Variants in TNRC6A observed in about 807,000 individuals in gnomAD.
The protein encoded by TNRC6A is trinucleotide repeat containing adaptor 6A.
Under a neutral mutation model 221.2 loss-of-function variants are expected in TNRC6A, and 44 were observed. The ratio of observed to expected loss-of-function variants is 0.20; its 90% CI spans 0.16 to 0.26. The LOEUF (loss-of-function observed/expected upper bound fraction) is 0.26, where lower values mean the gene tolerates loss of function less well. Among genes scored for constraint, TNRC6A ranks in the 10% least tolerant of loss-of-function variants. The probability of loss-of-function intolerance (pLI) is 1.00; values close to 1 mark genes in which losing one functional copy is unlikely to be tolerated. For missense variants in TNRC6A, 2,199 were observed against 2,404.4 expected (o/e 0.91, Z 1.79); for synonymous variants, 847 against 838.5 (o/e 1.01, Z -0.18).
intron 2 of TNRC6A, among the ~76,000 whole-genome samples, chr16:24,743,376 C>T (rs2056932949): frequency 6.6e-6 from 1 of 152,082 alleles, no homozygotes; most frequent in South Asian, 2.1e-4. Flanking sequence ...GGCTGGAGTG[C>T]AGTGTGGAAT....
intron 2 of TNRC6A, among the ~76,000 whole-genome samples, chr16:24,710,774 C>T (rs1462021991): frequency 1.3e-5 from 2 of 150,504 alleles, no homozygotes; most frequent in African/African-American, 4.9e-5. Flanking sequence ...CAGGCTGGTG[C>T]GATCGTGGCT....
At chr16:24,672,822 T>C (rs1026142499) in intron 2 of TNRC6A, among the ~76,000 whole-genome samples, 4 of 152,194 alleles carry the variant, frequency 2.6e-5, no homozygotes, top group African/African-American at 9.6e-5. Flanking sequence ...TAGATATACT[T>C]ACATACATAT....
intron 1 of TNRC6A, among the ~76,000 whole-genome samples, chr16:24,634,165 C>T (rs778098053): frequency 5.3e-5 from 8 of 151,956 alleles, no homozygotes; most frequent in African/African-American, 1.7e-4. Flanking sequence ...TTGGGCTGGG[C>T]GCAGTGGTTC....
Position 24,617,142 on chromosome 16 carries a change from T to C in TNRC6A, n.276+6658T>C, listed in dbSNP as rs1248883069. Among the ~76,000 whole-genome samples the C allele has an allele frequency of 2.0e-5, 3 of 150,496 alleles. No individual in the cohort carries two copies. The East Asian group carries it at 5.9e-4, about 30-fold the overall frequency. Reference sequence around the variant, plus strand: ...CATCTTTTTTTTTTTTGGCAGGTTGTGGGGATGGAGTCCCACTCTGTTGCC... The same window carrying C: ...CATCTTTTTTTTTTTTGGCAGGTTGCGGGGATGGAGTCCCACTCTGTTGCC... On this transcript the variant is annotated intron_variant and non_coding_transcript_variant, in intron 1 of 2. Transcript: ENST00000566108.
intron 2 of TNRC6A, among the ~76,000 whole-genome samples, chr16:24,677,222 G>T (rs1441884882): frequency 4.7e-5 from 7 of 150,056 alleles, no homozygotes; most frequent in African/African-American, 1.7e-4. Flanking sequence ...GAATGCAGTG[G>T]TGCAATCCCG....
intron 22 of TNRC6A, 148 bp from the exon 23 acceptor site, chr16:24,821,929 A>G: frequency 1.4e-6 from 1 of 721,138 alleles, no homozygotes; most frequent in Non-Finnish European, 2.4e-6. Context: ...GGCTAGGGCG[A>G]GCTGAAATTC....
chr16:24,820,775 C>T (rs1410666710), intron 22 of TNRC6A, among the ~76,000 whole-genome samples: 2 of 152,220 alleles, frequency 1.3e-5, no homozygotes, highest in Non-Finnish European at 2.9e-5. Flanking sequence ...ATTAATCATA[C>T]ATGGCCAACA....
chr16:24,665,390 A>G (rs941852149), intron 2 of TNRC6A, among the ~76,000 whole-genome samples: 1 of 152,106 alleles, frequency 6.6e-6, no homozygotes, highest in African/African-American at 2.4e-5. Context: ...AGAATTGGTA[A>G]ATGGCCCCAT....
intron 1 of TNRC6A, among the ~76,000 whole-genome samples, chr16:24,618,632 C>A (rs1421365493): frequency 2.0e-5 from 3 of 148,334 alleles, no homozygotes; most frequent in Non-Finnish European, 3.0e-5. Context: ...TTTTACTTTC[C>A]ATTTCATGAA....
At chr16:24,621,310 A>G (rs956301152) in intron 1 of TNRC6A, among the ~76,000 whole-genome samples, 4 of 150,992 alleles carry the variant, frequency 2.6e-5, no homozygotes, top group Non-Finnish European at 5.9e-5. Flanking sequence ...CATTCTTAAC[A>G]ATGTATAGTC....
chr16:24,693,168 C>G (rs1021817533), intron 2 of TNRC6A, among the ~76,000 whole-genome samples: 1 of 152,020 alleles, frequency 6.6e-6, no homozygotes, highest in Non-Finnish European at 1.5e-5. Flanking sequence ...TGTTCTCTCA[C>G]GAGAAGAGGG....
intron 23 of TNRC6A, among the ~76,000 whole-genome samples, 158 bp downstream of exon 23, chr16:24,822,305 G>A (rs16974098): frequency 0.03 from 4,585 of 152,258 alleles, 240 homozygotes; most frequent in African/African-American, 0.1. Flanking sequence ...GGCTGTGGTC[G>A]AATCTGGTGG....
At chr16:24,631,645 G>A (rs1163733379) in intron 1 of TNRC6A, among the ~76,000 whole-genome samples, 4 of 152,052 alleles carry the variant, frequency 2.6e-5, no homozygotes, top group Non-Finnish European at 4.4e-5. Context: ...GGTGGCGCAC[G>A]CCTGTAGTCC....
At position 24,789,789 on chromosome 16, in the gene TNRC6A, C is replaced by T; in HGVS notation, c.1147C>T (p.Pro383Ser). 9.3e-6 allele frequency: 15 copies of T among 1,614,076 alleles called. No individual in the cohort carries two copies. Among genetic ancestry groups the T allele is most frequent in the Non-Finnish European group, 1.3e-5 (15 of 1,179,990 alleles). ...LENNGLALKG[P>S]VGSGSSGINI... ...GAACAATGGACTTGCCCTAAAAGGG[C>T]CTGTAGGGAGTGGTAGTTCTGGCAT... is the stretch of plus-strand genomic sequence containing the variant. Residue 383 changes from proline (P) to serine (S), a missense_variant, in exon 6 of 25, where the codon CCT becomes TCT. Transcript: ENST00000395799.
intron 1 of TNRC6A, among the ~76,000 whole-genome samples, chr16:24,615,900 TTTTAA>T (rs984266731): frequency 2.3e-5 from 3 of 128,706 alleles, no homozygotes; most frequent in African/African-American, 8.7e-5. Flanking sequence ...GCTCTAAATT[TTTTAA>T]TTTAATTAGC....
intron 11 of TNRC6A, among the ~76,000 whole-genome samples, chr16:24,802,829 C>A (rs1364490941): frequency 6.6e-6 from 1 of 152,088 alleles, no homozygotes. Context: ...GGAAGAGAAA[C>A]CAGAATGGAC....
intron 2 of TNRC6A, among the ~76,000 whole-genome samples, chr16:24,722,737 G>C (rs1305312177): frequency 6.6e-6 from 1 of 152,022 alleles, no homozygotes; most frequent in Non-Finnish European, 1.5e-5. Flanking sequence ...CTTAAATAAA[G>C]TGTGACTTTT....
At position 24,790,879 on chromosome 16, in the gene TNRC6A, C is replaced by T. The variant is rs1052315147; in HGVS notation, c.2237C>T (p.Thr746Ile). The T allele has an allele frequency of 5.6e-6, 9 of 1,614,012 alleles. No homozygotes were observed. In the African/African-American group the frequency reaches 1.2e-4, roughly 22 times the overall value. The change falls in exon 6 of 25, where the codon ACT becomes ATT. Residue 746 changes from threonine to isoleucine, a missense_variant. Around this residue, in one of 8 missense-constraint regions of TNRC6A, gnomAD observed 1,405 missense variants for 1,400.2 expected, o/e 1.00. Coordinates refer to ENST00000395799, the MANE Select transcript of TNRC6A (RefSeq NM_014494.4). Reference sequence around the variant, plus strand: ...ACATCACCTAGAGGGGAACGAAAGACTGACAATGGGACAGAGGCCTGGGGA... The same window carrying T: ...ACATCACCTAGAGGGGAACGAAAGATTGACAATGGGACAGAGGCCTGGGGA... ...TETSPRGERK[T>I]DNGTEAWGSS...
chr16:24,611,088 C>T (rs1395831340), intron 1 of TNRC6A, among the ~76,000 whole-genome samples: 3 of 152,184 alleles, frequency 2.0e-5, no homozygotes, highest in Middle Eastern at 3.2e-3. Context: ...GCTGGGATTA[C>T]AGGCATCAAC....
Sources: gnomAD v4.1 joint callset for allele counts (sites outside exome capture counted in the v4.1 genomes callset) on GRCh38, gnomAD v4.1.1 for gene constraint, gnomAD v4.1.1 regional missense constraint, MANE v1.5 for transcripts, NCBI Gene and HGNC (gene_info 2026-07-23, HGNC 2026-07-21) for gene names.